SPATA13: variants seen among roughly 807,000 people sequenced by gnomAD.
The protein encoded by SPATA13 is spermatogenesis associated 13, also known as spermatogenesis-associated protein 13.
Under a neutral mutation model 104.0 loss-of-function variants are expected in SPATA13, and 50 were observed. That is an observed-to-expected ratio of 0.48 (90% CI 0.38 to 0.61). The LOEUF (loss-of-function observed/expected upper bound fraction) is 0.61. SPATA13 is among the 20% of genes least tolerant of loss of function. The pLI is 0.00. For missense variants in SPATA13, 1,524 were observed against 1,690.6 expected (o/e 0.90, Z 1.73); for synonymous variants, 606 against 667.5 (o/e 0.91, Z 1.42).
At chr13:24,044,452 C>T (rs988747377) in intron 3 of SPATA13, among the ~76,000 whole-genome samples, 4 of 151,954 alleles carry the variant, frequency 2.6e-5, no homozygotes, top group Admixed American at 6.6e-5. Flanking sequence ...AAGATGATCT[C>T]GATCTTTTGA....
At chr13:24,300,889 G>A (rs913989333) in intron 12 of SPATA13, among the ~76,000 whole-genome samples, 2 of 152,134 alleles carry the variant, frequency 1.3e-5, no homozygotes, top group South Asian at 2.1e-4. Flanking sequence ...TCAGCTGTAG[G>A]CTGGATATAG....
At chr13:24,047,797 G>A (rs1008925820) in intron 3 of SPATA13, among the ~76,000 whole-genome samples, 2 of 152,224 alleles carry the variant, frequency 1.3e-5, no homozygotes, top group African/African-American at 4.8e-5. Context: ...CTTATGATGA[G>A]GGACTCACCC....
chr13:24,053,479 G>A (rs17429538), intron 3 of SPATA13, among the ~76,000 whole-genome samples: 11,737 of 152,204 alleles, frequency 0.077, 552 homozygotes, highest in Admixed American at 0.1. Context: ...TGAGCAAGCC[G>A]TTCTTACCTG....
At chr13:24,246,732 A>G (rs891462366) in intron 2 of SPATA13, among the ~76,000 whole-genome samples, 4 of 152,090 alleles carry the variant, frequency 2.6e-5, no homozygotes, top group East Asian at 1.9e-4. Context: ...GCGTGGTGGT[A>G]GGTGCCTGTA....
At chr13:24,000,814 G>T (rs536179140) in intron 2 of SPATA13, among the ~76,000 whole-genome samples, 5 of 152,080 alleles carry the variant, frequency 3.3e-5, no homozygotes, top group African/African-American at 7.2e-5. Context: ...GTTTGAATTC[G>T]GGAGAACCCT....
intron 3 of SPATA13, among the ~76,000 whole-genome samples, chr13:24,154,858 TTTTG>T (rs971436135): frequency 2.6e-5 from 4 of 152,090 alleles, no homozygotes; most frequent in African/African-American, 7.2e-5. Context: ...GATAGACCAG[TTTTG>T]TTTGTTTGTT....
intron 1 of SPATA13, among the ~76,000 whole-genome samples, chr13:24,220,239 G>A (rs1871497336): frequency 6.6e-6 from 1 of 152,146 alleles, no homozygotes; most frequent in Admixed American, 6.5e-5. Context: ...ACAGCACCAA[G>A]GTTAGGCCGA....
At position 24,011,177 on chromosome 13, in the gene SPATA13, C is replaced by G. The variant is rs527829182; in HGVS notation, c.-146-6490C>G. Among the ~76,000 whole-genome samples, 48 of 152,054 alleles carry G rather than the reference C, an allele frequency of 3.2e-4. 2 individuals carry two copies. Among genetic ancestry groups the G allele is most frequent in the Non-Finnish European group, 2.9e-5 (2 of 68,022 alleles). On this transcript the variant is annotated intron_variant, in intron 2 of 14. Coordinates refer to the SPATA13 transcript ENST00000424834. This position sits in a 1 kb window ranked among gnomAD's most constrained non-coding sequence, Gnocchi z 4.3. ...GGAAAACAAGGCTGCTTCAGCCCAGCGAGACCCATCTTGCCTGGGTGCCAC... is the reference window on the plus strand; with the variant it reads ...GGAAAACAAGGCTGCTTCAGCCCAGGGAGACCCATCTTGCCTGGGTGCCAC...
intron 3 of SPATA13, among the ~76,000 whole-genome samples, chr13:24,044,102 C>T (rs1878038134): frequency 6.6e-6 from 1 of 152,196 alleles, no homozygotes; most frequent in African/African-American, 2.4e-5. Flanking sequence ...AGGTGGAGGG[C>T]TCCTGCCCTG....
chr13:24,202,569 A>G (rs1281275157), intron 1 of SPATA13, among the ~76,000 whole-genome samples: 3 of 130,340 alleles, frequency 2.3e-5, no homozygotes, highest in Admixed American at 1.6e-4. Flanking sequence ...TTAAGGTACA[A>G]TATTAGAATG....
intron 1 of SPATA13, among the ~76,000 whole-genome samples, chr13:24,170,451 C>T (rs191841226): frequency 5.6e-4 from 86 of 152,296 alleles, no homozygotes; most frequent in African/African-American, 2.0e-3. Context: ...CCTTCAGTTT[C>T]TCTCTCATTC....
intron 2 of SPATA13, among the ~76,000 whole-genome samples, chr13:24,232,912 T>G (rs1455357163): frequency 6.6e-6 from 1 of 152,216 alleles, no homozygotes; most frequent in Non-Finnish European, 1.5e-5. Flanking sequence ...AGTTACCAAA[T>G]TTTTGTAGTT....
rs1294082776 is a variant in SPATA13 at position 24,172,187 on chromosome 13, T to C, written c.-112+11255T>C. Reference sequence around the variant, plus strand: ...TTTATTCTCTATATAATTTTATCCTTTCAAAAATATTATGAAATCGGAATG... The same window carrying C: ...TTTATTCTCTATATAATTTTATCCTCTCAAAAATATTATGAAATCGGAATG... On this transcript the variant is annotated intron_variant, in intron 1 of 12. Transcript: ENST00000382108. Among the ~76,000 whole-genome samples, 3 of 152,210 alleles carry C rather than the reference T, an allele frequency of 2.0e-5. No homozygotes were observed. In the East Asian group the frequency reaches 5.8e-4, roughly 29 times the overall value.
chr13:23,996,604 A>G (rs1485505920), intron 2 of SPATA13, among the ~76,000 whole-genome samples: 1 of 75,078 alleles, frequency 1.3e-5, no homozygotes, highest in Non-Finnish European at 2.8e-5. Flanking sequence ...ATGGTTGGCC[A>G]CCTGTGCTTG....
intron 1 of SPATA13, among the ~76,000 whole-genome samples, chr13:24,162,104 C>T (rs1048701178): frequency 3.3e-5 from 5 of 152,196 alleles, no homozygotes; most frequent in African/African-American, 1.2e-4. Flanking sequence ...GCCCTCCTCC[C>T]GCACTTTAGA....
Position 24,285,492 on chromosome 13 carries a change from GGCCT to G in SPATA13, c.2302-705_2302-702del, listed in dbSNP as rs561825826. On this transcript the variant is annotated intron_variant, in intron 5 of 12. Transcript: ENST00000382108. Reference sequence around the variant, plus strand: ...AGCAGCTAGTACTTTTTTAAAAAGGGGCCTGCCTGCCTGCCTGCCTTCCTCCCTC... The same window carrying G: ...AGCAGCTAGTACTTTTTTAAAAAGGGGCCTGCCTGCCTGCCTTCCTCCCTC... Among the ~76,000 whole-genome samples, 16 of 151,198 alleles carry G rather than the reference GGCCT, an allele frequency of 1.1e-4. No homozygotes were observed. The South Asian group carries it at 1.3e-3, about 12-fold the overall frequency.
At chr13:24,065,741 T>G (rs1878937159) in intron 3 of SPATA13, among the ~76,000 whole-genome samples, 1 of 152,282 alleles carries the variant, frequency 6.6e-6, no homozygotes, top group African/African-American at 2.4e-5. Flanking sequence ...GTTTCATAGA[T>G]ATTTATGATA....
At chr13:24,190,607 G>A (rs1006891158) in intron 1 of SPATA13, among the ~76,000 whole-genome samples, 1 of 151,518 alleles carries the variant, frequency 6.6e-6, no homozygotes, top group Admixed American at 6.6e-5. Flanking sequence ...CTGCAGATGT[G>A]GTGGAAACAG....
At chr13:24,199,609 C>A (rs117901514) in intron 1 of SPATA13, among the ~76,000 whole-genome samples, 1 of 152,084 alleles carries the variant, frequency 6.6e-6, no homozygotes, top group East Asian at 1.9e-4. Context: ...TAGAACTGAA[C>A]GTACTACTTT....
Sources: gnomAD v4.1 joint callset for allele counts (sites outside exome capture counted in the v4.1 genomes callset) on GRCh38, gnomAD v4.1.1 for gene constraint, Gnocchi (gnomAD v3.1) non-coding constraint, MANE v1.5 for transcripts, NCBI Gene and HGNC (gene_info 2026-07-23, HGNC 2026-07-21) for gene names.